Variants in MAPT observed in about 807,000 individuals in gnomAD.
MAPT encodes the protein microtubule-associated protein tau.
In MAPT, 34 loss-of-function variants were observed where a neutral mutation model predicts 67.9. The observed-to-expected ratio is 0.50, with a 90% confidence interval of 0.38 to 0.67. The LOEUF (loss-of-function observed/expected upper bound fraction) is 0.67. Among genes scored for constraint, MAPT ranks in the 30% least tolerant of loss-of-function variants. The probability of loss-of-function intolerance (pLI) is 0.00; values close to 1 mark genes in which losing one functional copy is unlikely to be tolerated. For missense variants in MAPT, 881 were observed against 1,115.2 expected (o/e 0.79, Z 2.99); for synonymous variants, 456 against 464.5 (o/e 0.98, Z 0.23).
At chr17:46,006,551 A>G (rs538091972) in intron 9 of MAPT, among the ~76,000 whole-genome samples, 2 of 152,306 alleles carry the variant, frequency 1.3e-5, no homozygotes, top group Admixed American at 1.3e-4. Flanking sequence ...AGTAATTTAT[A>G]GTACATTTAA....
chr17:45,983,610 T>A lies in MAPT; in HGVS notation c.1031T>A (p.Val344Glu). ...GCGGAGGGTGCCATCCCCCTCCCTG[T>A]GGATTTCCTCTCCAAAGTTTCCACA... ...FPAEGAIPLP[V>E]DFLSKVSTEI... The change falls in exon 5 of 13, where the codon GTG becomes GAG. Residue 344 changes from valine to glutamate, a missense_variant. Coordinates refer to ENST00000262410, the MANE Select transcript of MAPT (RefSeq NM_001377265.1). The A allele has an allele frequency of 6.2e-7, 1 of 1,613,436 alleles. No individual in the cohort carries two copies. The highest frequency in any genetic ancestry group is 1.6e-4 in the Middle Eastern group (1 of 6,062).
At position 45,983,686 on chromosome 17, in the gene MAPT, G is replaced by C. The variant is rs776403885; in HGVS notation, c.1107G>C (p.Gly369=). 1.2e-6 allele frequency: 2 copies of C among 1,614,112 alleles called. No individual in the cohort carries two copies. The highest frequency in any genetic ancestry group is 4.5e-5 in the East Asian group (2 of 44,856). ...PDGPSVGRAK[G]QDAPLEFTFH... ...GGCCCAGTGTAGGGCGGGCCAAAGG[G>C]CAGGATGCCCCCCTGGAGTTCACGT... The change falls in exon 5 of 13, where the codon GGG becomes GGC. Residue 369 remains glycine (G), a synonymous_variant. Coordinates refer to ENST00000262410, the MANE Select transcript of MAPT (RefSeq NM_001377265.1).
At chr17:45,997,728 C>A (rs1051623174) in intron 9 of MAPT, among the ~76,000 whole-genome samples, 2 of 152,164 alleles carry the variant, frequency 1.3e-5, no homozygotes, top group African/African-American at 4.8e-5. Flanking sequence ...CCACTGCACT[C>A]CAGTTTGAGC....
At chr17:45,926,945 A>G (rs80131258) in intron 1 of MAPT, among the ~76,000 whole-genome samples, 6 of 107,968 alleles carry the variant, frequency 5.6e-5, no homozygotes, top group African/African-American at 1.1e-4. Context: ...ACACATATAT[A>G]TACATATATG....
At chr17:45,916,085 A>G (rs980268460) in intron 1 of MAPT, among the ~76,000 whole-genome samples, 2 of 152,082 alleles carry the variant, frequency 1.3e-5, no homozygotes, top group African/African-American at 4.8e-5. Flanking sequence ...TTCCTCCAGA[A>G]TTCCCGCTTT....
intron 1 of MAPT, among the ~76,000 whole-genome samples, chr17:45,933,375 G>C (rs1290556057): frequency 2.6e-5 from 4 of 151,860 alleles, no homozygotes; most frequent in Non-Finnish European, 5.9e-5. Flanking sequence ...CTCCCGAGTA[G>C]CTGGGATTAC....
chr17:45,982,961 G>C lies in MAPT; in HGVS notation c.382G>C (p.Ala128Pro). The change falls in exon 5 of 13, where the codon GCC (alanine) becomes CCC (proline). Residue 128 changes from alanine (A) to proline (P), a missense_variant. By Grantham distance (27) the Ala-to-Pro change is conservative. Transcript: ENST00000262410. ...CGTCCAGCCTGGACCCTGCGGAGAG[G>C]CCTCTGGGGTCTCTGGGCCGTGCCT... ...AHVQPGPCGE[A>P]SGVSGPCLGE... is the part of the protein sequence containing the mutation. The C allele has an allele frequency of 7.0e-7, 1 of 1,428,174 alleles. No homozygotes were observed. Among genetic ancestry groups the C allele is most frequent in the Non-Finnish European group, 9.1e-7 (1 of 1,094,718 alleles). The allele number at this position is 1,428,174 out of a possible 1,614,324, so 88.5% of individuals were successfully genotyped here.
chr17:45,934,991 GT>G (rs1278013136), intron 1 of MAPT, among the ~76,000 whole-genome samples: 1 of 152,116 alleles, frequency 6.6e-6, no homozygotes, highest in Admixed American at 6.5e-5. Flanking sequence ...TTATATGCAT[GT>G]TTTTGTCTTT....
Position 45,946,615 on chromosome 17 carries a change from A to AAAAAAATATAT in MAPT, c.-17-15705_-17-15704insAAAAATATATA. Among the ~76,000 whole-genome samples the AAAAAAATATAT allele has an allele frequency of 2.7e-3, 271 of 100,340 alleles. 7 individuals are homozygous for AAAAAAATATAT. Among genetic ancestry groups the AAAAAAATATAT allele is most frequent in the African/African-American group, 0.011 (241 of 22,940 alleles). The allele number at this position is 100,340 out of a possible 152,430, so 65.8% of individuals were successfully genotyped here. A position where few individuals can be genotyped will look rare whatever the true frequency, so the allele number is the denominator to read the frequency against. ...CTCTGTCTTAAAAAAAAAAAAAAAAAATATATATATATATATATATATATG... is the reference window on the plus strand; with the variant it reads ...CTCTGTCTTAAAAAAAAAAAAAAAAAAAAAAATATATATATATATATATATATATATATATG... On this transcript the variant is annotated intron_variant, in intron 1 of 12. Coordinates refer to ENST00000262410, the MANE Select transcript of MAPT (RefSeq NM_001377265.1).
chr17:45,929,527 G>T (rs1267856777), intron 1 of MAPT, among the ~76,000 whole-genome samples: 5 of 152,314 alleles, frequency 3.3e-5, no homozygotes, highest in East Asian at 3.9e-4. Context: ...TGACAGGAAT[G>T]TATCCTGTGT....
intron 1 of MAPT, among the ~76,000 whole-genome samples, chr17:45,932,560 A>T (rs1042466415): frequency 6.9e-6 from 1 of 144,866 alleles, no homozygotes; most frequent in African/African-American, 2.5e-5. Context: ...GCACCATTGC[A>T]CTTCAGCCTG....
chr17:45,912,144 A>T (rs1597889439), intron 1 of MAPT, among the ~76,000 whole-genome samples: 1 of 112,702 alleles, frequency 8.9e-6, no homozygotes. Context: ...GTCTCCTAAT[A>T]AGGTGTGGTC....
chr17:45,998,010 G>A (rs2074646162), intron 9 of MAPT, among the ~76,000 whole-genome samples: 1 of 152,176 alleles, frequency 6.6e-6, no homozygotes, highest in Non-Finnish European at 1.5e-5. Context: ...GGCTGGGGGT[G>A]AGAAGGACCA....
chr17:45,946,615 A>AAAAAAATATATATATATAT, intron 1 of MAPT, among the ~76,000 whole-genome samples: 2 of 100,402 alleles, frequency 2.0e-5, no homozygotes, highest in African/African-American at 4.4e-5. Flanking sequence ...AAAAAAAAAA[A>AAAAAAATATATATATATAT]ATATATATAT....
chr17:45,983,342 G>T lies in MAPT; in HGVS notation c.763G>T (p.Gly255Cys). 1.2e-6 allele frequency: 2 copies of T among 1,602,882 alleles called. No individual in the cohort carries two copies. Among genetic ancestry groups the T allele is most frequent in the East Asian group, 4.5e-5 (2 of 44,438 alleles). ...GGGGACAGGACCTGAGGACACAGAG[G>T]GCGGCCGCCACGCCCCTGAGCTGCT... ...PSGTGPEDTE[G>C]GRHAPELLKH... Residue 255 changes from glycine to cysteine, a missense_variant, in exon 5 of 13, where the codon GGC becomes TGC. Physicochemically the swap from Gly to Cys is radical, Grantham distance 159. Coordinates refer to ENST00000262410, the MANE Select transcript of MAPT (RefSeq NM_001377265.1).
chr17:45,932,043 A>C (rs553453116), intron 1 of MAPT: 3 of 151,956 alleles, frequency 2.0e-5, no homozygotes, highest in African/African-American at 7.3e-5. Flanking sequence ...AGATTGCACC[A>C]CTGCACTCCA....
rs57464271 is a variant in MAPT, at chr17:45,905,082, C to G, written c.-18+10396C>G. On this transcript the variant is annotated intron_variant, in intron 1 of 12. Transcript: ENST00000262410. ...AGCAGGGGAAATTCCACGCTGGCCCCAATCCCCAGTGCAGCGGCTCAGCCT... is the reference window on the plus strand; with the variant it reads ...AGCAGGGGAAATTCCACGCTGGCCCGAATCCCCAGTGCAGCGGCTCAGCCT... 2.5e-3 allele frequency among the ~76,000 whole-genome samples: 376 copies of G among 152,318 alleles called. 2 individuals carry two copies. Among genetic ancestry groups the G allele is most frequent in the African/African-American group, 8.4e-3 (349 of 41,566 alleles).
chr17:45,919,082 A>G (rs1462171844), intron 1 of MAPT, among the ~76,000 whole-genome samples: 2 of 151,882 alleles, frequency 1.3e-5, no homozygotes, highest in African/African-American at 2.4e-5. Context: ...AAAAAAAAGA[A>G]AAGAAAAAGA....
chr17:45,928,370 CT>C (rs1432984865), intron 1 of MAPT, among the ~76,000 whole-genome samples: 1 of 152,230 alleles, frequency 6.6e-6, no homozygotes. Context: ...AGAAACATCA[CT>C]TCCTTGGGGA....
Sources: gnomAD v4.1 joint callset for allele counts (sites outside exome capture counted in the v4.1 genomes callset) on GRCh38, gnomAD v4.1.1 for gene constraint, MANE v1.5 for transcripts, NCBI Gene and HGNC (gene_info 2026-07-23, HGNC 2026-07-21) for gene names.